The following NAALADL2 variants were observed in gnomAD, a reference collection of about 807,000 sequenced individuals.
NAALADL2 encodes inactive N-acetylated-alpha-linked acidic dipeptidase-like protein 2.
In NAALADL2, 76 loss-of-function variants were observed where a neutral mutation model predicts 87.2. The ratio of observed to expected loss-of-function variants is 0.87; its 90% CI spans 0.72 to 1.05. NAALADL2 has a LOEUF of 1.05. Ranked by LOEUF, NAALADL2 falls within the 50% of genes least tolerant of loss-of-function variation. The pLI is 0.00. For synonymous variants in NAALADL2, 354 were observed against 331.0 expected (o/e 1.07, Z -0.75); for missense variants, 1,089 against 945.8 (o/e 1.15, Z -1.99).
At chr3:175,703,817 C>T (rs533675779) in intron 11 of NAALADL2, among the ~76,000 whole-genome samples, 31 of 151,386 alleles carry the variant, frequency 2.0e-4, no homozygotes, top group Non-Finnish European at 2.7e-4. Context: ...AAATTGCATT[C>T]ATTTTCCTTT....
chr3:174,809,232 T>C (rs1446447520), intron 3 of NAALADL2, among the ~76,000 whole-genome samples: 4 of 152,168 alleles, frequency 2.6e-5, no homozygotes, highest in Non-Finnish European at 2.9e-5. Context: ...ACTGGGGATA[T>C]ATACGCAGGC....
chr3:175,052,102 T>C (rs1306494189), intron 1 of NAALADL2, among the ~76,000 whole-genome samples: 1 of 152,234 alleles, frequency 6.6e-6, no homozygotes. Context: ...AGATTATAGA[T>C]TAACTAGAAG....
intron 1 of NAALADL2, among the ~76,000 whole-genome samples, chr3:175,060,635 G>GGGCA (rs1713231089): frequency 1.3e-5 from 2 of 152,148 alleles, no homozygotes; most frequent in Non-Finnish European, 2.9e-5. Flanking sequence ...TTTACTATCT[G>GGGCA]GGCATTAAAG....
At chr3:175,026,091 A>G (rs898856839) in intron 1 of NAALADL2, among the ~76,000 whole-genome samples, 1 of 152,134 alleles carries the variant, frequency 6.6e-6, no homozygotes, top group Admixed American at 6.5e-5. Flanking sequence ...AATTACAGGC[A>G]TAAGCCACTG....
At chr3:174,558,540 G>A (rs1713152904) in intron 2 of NAALADL2, among the ~76,000 whole-genome samples, 1 of 152,124 alleles carries the variant, frequency 6.6e-6, no homozygotes, top group South Asian at 2.1e-4. Flanking sequence ...AGATTCTCAT[G>A]AAGGGCACAC....
chr3:175,447,541 A>G (rs1169624270), intron 6 of NAALADL2, among the ~76,000 whole-genome samples, 169 bp downstream of exon 6: 1 of 152,206 alleles, frequency 6.6e-6, no homozygotes, highest in Non-Finnish European at 1.5e-5. Flanking sequence ...TTTGGAAAGT[A>G]ATTTTGATAG....
At chr3:174,954,258 C>T (rs1740847542) in intron 1 of NAALADL2, among the ~76,000 whole-genome samples, 1 of 152,012 alleles carries the variant, frequency 6.6e-6, no homozygotes, top group Non-Finnish European at 1.5e-5. Context: ...AAAATTCCAC[C>T]CCTTTTACAT....
At chr3:174,539,695 A>G (rs1722046232) in intron 1 of NAALADL2, among the ~76,000 whole-genome samples, 2 of 152,194 alleles carry the variant, frequency 1.3e-5, no homozygotes, top group African/African-American at 2.4e-5. Context: ...GGCACAGAAT[A>G]GTATATCAGC....
chr3:175,627,796 T>C lies in NAALADL2; in HGVS notation c.1896+410T>C, dbSNP rs568047967. Among the ~76,000 whole-genome samples the C allele has an allele frequency of 4.0e-5, 6 of 151,812 alleles. No homozygotes were observed. The East Asian group carries it at 9.7e-4, about 24-fold the overall frequency. ...GATAACATGGAAAGCACTATAGTTA[T>C]TCTATTCATCTCAGGCCATGTATCT... On this transcript the variant is annotated intron_variant, in intron 11 of 13. Coordinates refer to ENST00000454872, the MANE Select transcript of NAALADL2 (RefSeq NM_207015.3).
At chr3:175,335,024 G>GA (rs1430202086) in intron 5 of NAALADL2, among the ~76,000 whole-genome samples, 1 of 152,062 alleles carries the variant, frequency 6.6e-6, no homozygotes, top group Admixed American at 6.6e-5. Flanking sequence ...TTAACAGTGG[G>GA]AAGCTATCTG....
intron 10 of NAALADL2, among the ~76,000 whole-genome samples, chr3:175,615,801 G>A (rs374921605): frequency 2.0e-5 from 3 of 151,098 alleles, no homozygotes; most frequent in African/African-American, 4.9e-5. Context: ...TGGGTGCAGT[G>A]AGCCCAGATT....
rs577907394 is a variant in NAALADL2 at position 175,682,559 on chromosome 3, A to G, written c.1897-54747A>G. On this transcript the variant is annotated intron_variant, in intron 11 of 13. Coordinates refer to ENST00000454872, the MANE Select transcript of NAALADL2 (RefSeq NM_207015.3). ...GAACTCTAATATTTACACAAAACAA[A>G]TATCAGAAAAAGAGAGAATTGAGAC... Among the ~76,000 whole-genome samples, 16 of 152,072 alleles carry G rather than the reference A, an allele frequency of 1.1e-4. No individual in the cohort carries two copies. In the Middle Eastern group the frequency reaches 0.01, roughly 97 times the overall value.
intron 2 of NAALADL2, among the ~76,000 whole-genome samples, chr3:174,648,286 G>T (rs1383885606): frequency 6.6e-6 from 1 of 151,388 alleles, no homozygotes; most frequent in Non-Finnish European, 1.5e-5. Flanking sequence ...TCACGCCATT[G>T]CACTCCAGCC....
intron 2 of NAALADL2, among the ~76,000 whole-genome samples, chr3:174,691,801 G>A (rs758135478): frequency 5.9e-5 from 9 of 152,092 alleles, no homozygotes; most frequent in Admixed American, 3.3e-4. Context: ...AACACTGTTC[G>A]TGACATCTTC....
intron 1 of NAALADL2, among the ~76,000 whole-genome samples, chr3:175,005,101 AGTT>A (rs1461561105): frequency 6.6e-6 from 1 of 152,140 alleles, no homozygotes; most frequent in Non-Finnish European, 1.5e-5. Flanking sequence ...TTATACTGTC[AGTT>A]GTTATTTCTA....
At chr3:174,970,806 C>A (rs991741669) in intron 1 of NAALADL2, among the ~76,000 whole-genome samples, 2 of 152,112 alleles carry the variant, frequency 1.3e-5, no homozygotes, top group East Asian at 1.9e-4. Context: ...GTCTCATTAA[C>A]CCTTTCTCAC....
At chr3:175,707,457 A>G (rs964886050) in intron 11 of NAALADL2, among the ~76,000 whole-genome samples, 9 of 152,154 alleles carry the variant, frequency 5.9e-5, no homozygotes, top group African/African-American at 1.9e-4. Flanking sequence ...TAGTTTTACA[A>G]TGCTTGCTCT....
intron 1 of NAALADL2, among the ~76,000 whole-genome samples, chr3:174,954,891 G>A (rs1334375989): frequency 6.6e-6 from 1 of 152,102 alleles, no homozygotes; most frequent in Non-Finnish European, 1.5e-5. Flanking sequence ...GCTAGGGCAT[G>A]CATCTTCTGG....
At chr3:174,984,867 A>G (rs766536417) in intron 1 of NAALADL2, among the ~76,000 whole-genome samples, 10 of 152,088 alleles carry the variant, frequency 6.6e-5, no homozygotes, top group Admixed American at 5.2e-4. Context: ...TACAAGCTAC[A>G]TTGTAATGGA....
Sources: gnomAD v4.1 joint callset for allele counts (sites outside exome capture counted in the v4.1 genomes callset) on GRCh38, gnomAD v4.1.1 for gene constraint, MANE v1.5 for transcripts, NCBI Gene and HGNC (gene_info 2026-07-23, HGNC 2026-07-21) for gene names.